Variants in LRRC8C observed in about 807,000 individuals in gnomAD.
LRRC8C encodes the protein volume-regulated anion channel subunit LRRC8C.
A neutral mutation model predicts 55.3 loss-of-function variants in LRRC8C; 20 were observed. The ratio of observed to expected loss-of-function variants is 0.36; its 90% CI spans 0.25 to 0.53. LRRC8C has a LOEUF of 0.53. Ranked by LOEUF, LRRC8C falls within the 20% of genes least tolerant of loss-of-function variation. LRRC8C has a pLI of 0.92. For missense variants in LRRC8C, 659 were observed against 951.4 expected (o/e 0.69, Z 4.04); for synonymous variants, 376 against 360.7 (o/e 1.04, Z -0.48).
chr1:89,661,570 C>T (rs1331446276), intron 1 of LRRC8C, among the ~76,000 whole-genome samples: 1 of 152,212 alleles, frequency 6.6e-6, no homozygotes, highest in Non-Finnish European at 1.5e-5. Flanking sequence ...TACCACTTTA[C>T]TCTTCTAATT....
chr1:89,636,961 TGA>T (rs2101173520), intron 1 of LRRC8C, among the ~76,000 whole-genome samples: 1 of 152,338 alleles, frequency 6.6e-6, no homozygotes, highest in South Asian at 2.1e-4. Context: ...ATTTCCTGAA[TGA>T]GAGACAAATC....
At chr1:89,666,449 A>C (rs1657266386) in intron 1 of LRRC8C, among the ~76,000 whole-genome samples, 1 of 152,166 alleles carries the variant, frequency 6.6e-6, no homozygotes, top group South Asian at 2.1e-4. Context: ...TTCAAAACAA[A>C]TGAGGCCCAG....
upstream of LRRC8C, among the ~76,000 whole-genome samples, chr1:89,629,939 A>C (rs1415082456): frequency 6.6e-6 from 1 of 152,156 alleles, no homozygotes; most frequent in African/African-American, 2.4e-5. Flanking sequence ...CGGGTGGATC[A>C]CCTGAGGTCA....
upstream of LRRC8C, among the ~76,000 whole-genome samples, chr1:89,630,152 AAATT>A (rs922013583): frequency 4.6e-5 from 7 of 152,198 alleles, no homozygotes; most frequent in African/African-American, 1.4e-4. Flanking sequence ...GTCTCAGAAA[AAATT>A]AATTAATTAC....
chr1:89,686,786 A>C (rs1657896488), intron 2 of LRRC8C, among the ~76,000 whole-genome samples, 175 bp downstream of exon 2: 1 of 152,204 alleles, frequency 6.6e-6, no homozygotes, highest in Admixed American at 6.5e-5. Context: ...GGGATTTCCT[A>C]ATACGGTAAA....
At chr1:89,704,881 T>C (rs1052822632) in intron 2 of LRRC8C, among the ~76,000 whole-genome samples, 1 of 152,022 alleles carries the variant, frequency 6.6e-6, no homozygotes, top group African/African-American at 2.4e-5. Context: ...CTCAGGGATC[T>C]AGAACTAGAA....
Position 89,716,535 on chromosome 1 carries a change from A to T in LRRC8C, c.*1553A>T, listed in dbSNP as rs1230269841. The T allele has an allele frequency of 6.6e-6, 1 of 152,236 alleles. No individual in the cohort carries two copies. Among genetic ancestry groups the T allele is most frequent in the Non-Finnish European group, 1.5e-5 (1 of 68,036 alleles). The allele number at this position is 152,236 out of a possible 1,614,324, so 9.4% of individuals were successfully genotyped here. A position where few individuals can be genotyped will look rare whatever the true frequency, so the allele number is the denominator to read the frequency against. On this transcript the variant is annotated 3_prime_UTR_variant, in exon 3 of 3. Coordinates refer to ENST00000370454, the MANE Select transcript of LRRC8C (RefSeq NM_032270.5). ...TATTTACCTTTGTAATTAAAATCCA[A>T]CATAGCATGGGCTCTTGGGCAAAAT...
In LRRC8C at chr1:89,717,680, AC is replaced by A. The variant is rs530285962; in HGVS notation, c.*2699del. Reference sequence around the variant, plus strand: ...TTGTTCACTTTCTTAAGTAAAAAAAACATTTAATTACTAGTTAGCCCTTAAC... The same window carrying A: ...TTGTTCACTTTCTTAAGTAAAAAAAAATTTAATTACTAGTTAGCCCTTAAC... On this transcript the variant is annotated 3_prime_UTR_variant, in exon 3 of 3. Transcript: ENST00000370454. The A allele has an allele frequency of 6.8e-4, 104 of 152,280 alleles. No individual in the cohort carries two copies. The highest frequency in any genetic ancestry group is 2.4e-3 in the African/African-American group (98 of 41,554). 9.4% of individuals were successfully genotyped at this position (152,280 alleles called of 1,614,324 possible). A position where few individuals can be genotyped will look rare whatever the true frequency, so the allele number is the denominator to read the frequency against.
chr1:89,703,366 A>G (rs1313739972), intron 2 of LRRC8C, among the ~76,000 whole-genome samples: 1 of 152,206 alleles, frequency 6.6e-6, no homozygotes, highest in Non-Finnish European at 1.5e-5. Flanking sequence ...TGAAAGCAAT[A>G]TAGGAATTGT....
chr1:89,694,573 C>G (rs569513890), intron 2 of LRRC8C, among the ~76,000 whole-genome samples: 1 of 147,232 alleles, frequency 6.8e-6, no homozygotes, highest in African/African-American at 2.5e-5. Context: ...TGCGTGACAC[C>G]ATGCCCAGCT....
At chr1:89,650,465 G>C (rs1656731788) in intron 1 of LRRC8C, among the ~76,000 whole-genome samples, 1 of 150,126 alleles carries the variant, frequency 6.7e-6, no homozygotes. Flanking sequence ...AAATCTACAA[G>C]ACTGGAATTT....
chr1:89,659,046 A>T (rs1570701653), intron 1 of LRRC8C, among the ~76,000 whole-genome samples: 2 of 70,594 alleles, frequency 2.8e-5, no homozygotes, highest in African/African-American at 5.7e-5. Context: ...TGTCTTCTCC[A>T]GGTTTTTTTT....
chr1:89,674,185 T>C (rs931678027), intron 1 of LRRC8C, among the ~76,000 whole-genome samples: 2 of 152,256 alleles, frequency 1.3e-5, no homozygotes, highest in African/African-American at 4.8e-5. Context: ...AGAAACAATG[T>C]ATTTTAATTA....
chr1:89,654,874 C>CTTTTTTTTTT lies in LRRC8C; in HGVS notation c.-5+21560_-5+21569dup, dbSNP rs3068067. Among the ~76,000 whole-genome samples the CTTTTTTTTTT allele has an allele frequency of 1.5e-5, 2 of 129,342 alleles. 1 individual carries two copies. Among genetic ancestry groups the CTTTTTTTTTT allele is most frequent in the Non-Finnish European group, 3.2e-5 (2 of 62,752 alleles). 84.9% of individuals were successfully genotyped at this position (129,342 alleles called of 152,430 possible). On this transcript the variant is annotated intron_variant, in intron 1 of 2. Transcript: ENST00000370454. ...ATTGTGTGCTAGCACTTTAGTAAGC[C>CTTTTTTTTTT]TTTTTTTTTTTTTTTTTGAGACAAG...
At chr1:89,703,297 C>A (rs901126573) in intron 2 of LRRC8C, among the ~76,000 whole-genome samples, 1 of 152,010 alleles carries the variant, frequency 6.6e-6, no homozygotes, top group African/African-American at 2.4e-5. Flanking sequence ...TTTTTAAATG[C>A]TGAGAGGAAA....
At chr1:89,677,763 C>T (rs1293420686) in intron 1 of LRRC8C, among the ~76,000 whole-genome samples, 1 of 152,140 alleles carries the variant, frequency 6.6e-6, no homozygotes, top group Admixed American at 6.5e-5. Flanking sequence ...TAATTAAATA[C>T]ATTTCTACAG....
intron 1 of LRRC8C, among the ~76,000 whole-genome samples, chr1:89,682,050 G>A (rs555908146): frequency 3.9e-5 from 6 of 152,228 alleles, no homozygotes; most frequent in East Asian, 1.9e-4. Context: ...GGTGGCAGGC[G>A]CCTGCAGTCC....
intron 2 of LRRC8C, among the ~76,000 whole-genome samples, chr1:89,695,770 A>C (rs1658157409): frequency 6.6e-6 from 1 of 152,214 alleles, no homozygotes; most frequent in African/African-American, 2.4e-5. Context: ...AAAAAACAAA[A>C]TCTTTCCCCA....
At chr1:89,616,506 A>C in the LRRC8C span, among the ~76,000 whole-genome samples, 1 of 152,230 alleles carries the variant, frequency 6.6e-6, no homozygotes, top group East Asian at 1.9e-4. Flanking sequence ...ATAACATTGA[A>C]GAAGGAGGTT....
Sources: gnomAD v4.1 joint callset for allele counts (sites outside exome capture counted in the v4.1 genomes callset) on GRCh38, gnomAD v4.1.1 for gene constraint, MANE v1.5 for transcripts, NCBI Gene and HGNC (gene_info 2026-07-23, HGNC 2026-07-21) for gene names.